Variants in NDUFS4 observed in about 807,000 individuals in gnomAD.
The protein encoded by NDUFS4 is NADH dehydrogenase [ubiquinone] iron-sulfur protein 4, mitochondrial.
In NDUFS4, 28 loss-of-function variants were observed where a neutral mutation model predicts 24.3. The ratio of observed to expected loss-of-function variants is 1.15; its 90% CI spans 0.85 to 1.58. The LOEUF (loss-of-function observed/expected upper bound fraction) is 1.58. NDUFS4 is among the 40% of genes most tolerant of loss of function. The pLI is 0.00. For synonymous variants in NDUFS4, 93 were observed against 69.7 expected, an observed-to-expected ratio of 1.34 and a Z score of -1.67; for missense variants, 223 against 207.9, an observed-to-expected ratio of 1.07 and a Z score of -0.45.
chr5:53,667,289 A>G (rs939156535), intron 4 of NDUFS4, among the ~76,000 whole-genome samples: 2 of 152,066 alleles, frequency 1.3e-5, no homozygotes, highest in Non-Finnish European at 2.9e-5. Context: ...AACATGGAGA[A>G]CCCTCGTCTC....
intron 4 of NDUFS4, 49 bp downstream of exon 4, chr5:53,658,673 T>A (rs779743673): frequency 3.3e-6 from 5 of 1,501,616 alleles, no homozygotes; most frequent in South Asian, 2.3e-5. Flanking sequence ...TTTTATGTTC[T>A]TAACCTTAAT....
chr5:53,632,132 G>T lies in NDUFS4; in HGVS notation c.178-14101G>T, dbSNP rs554605974. 6.4e-4 allele frequency among the ~76,000 whole-genome samples: 98 copies of T among 152,208 alleles called. 1 individual carries two copies. Among genetic ancestry groups the T allele is most frequent in the Non-Finnish European group, 1.3e-3 (87 of 68,036 alleles). On this transcript the variant is annotated intron_variant, in intron 2 of 4. Transcript: ENST00000296684. ...TTCTGCATCAGTCTTGCTGGGAGCT[G>T]CAGACCAGAGCAGTTCCTATTTGGC...
intron 1 of NDUFS4, among the ~76,000 whole-genome samples, chr5:53,601,204 C>T (rs989064347): frequency 1.3e-5 from 2 of 152,004 alleles, no homozygotes; most frequent in Admixed American, 6.5e-5. Context: ...GGGGTTTCAC[C>T]GTGTTAGCCA....
intron 4 of NDUFS4, among the ~76,000 whole-genome samples, chr5:53,675,742 A>G (rs530972375): frequency 1.3e-5 from 2 of 152,346 alleles, no homozygotes; most frequent in East Asian, 3.9e-4. Context: ...AATAGAGAAT[A>G]GACCTCTATA....
intron 1 of NDUFS4, among the ~76,000 whole-genome samples, chr5:53,583,268 A>G (rs1749633303): frequency 6.6e-6 from 1 of 152,230 alleles, no homozygotes; most frequent in African/African-American, 2.4e-5. Context: ...GATGACTTTT[A>G]TAGCTTTATG....
rs1456853281 is a variant in NDUFS4, at chr5:53,683,336, A to C, written c.*115A>C. ...TCCTAATAAATTGGACCTTTAAACT[A>C]CAGATACATTTTGTGGTGTCTATTT... On this transcript the variant is annotated 3_prime_UTR_variant, in exon 5 of 5. Transcript: ENST00000296684. The C allele has an allele frequency of 2.6e-6, 2 of 775,080 alleles. No homozygotes were observed. Among genetic ancestry groups the C allele is most frequent in the Non-Finnish European group, 4.5e-6 (2 of 446,402 alleles). 48.0% of individuals were successfully genotyped at this position (775,080 alleles called of 1,614,324 possible).
At chr5:53,644,477 C>T (rs928563141) in intron 2 of NDUFS4, among the ~76,000 whole-genome samples, 2 of 152,082 alleles carry the variant, frequency 1.3e-5, no homozygotes, top group East Asian at 1.9e-4. Flanking sequence ...GCAAGTATTA[C>T]AGTGAATTCA....
chr5:53,677,211 T>C (rs976334518), intron 4 of NDUFS4, among the ~76,000 whole-genome samples: 2 of 152,144 alleles, frequency 1.3e-5, no homozygotes, highest in Admixed American at 1.3e-4. Flanking sequence ...AATAGAAATA[T>C]TACATAGCAA....
intron 2 of NDUFS4, among the ~76,000 whole-genome samples, chr5:53,631,195 T>G (rs1250940847): frequency 1.3e-5 from 2 of 152,200 alleles, no homozygotes; most frequent in African/African-American, 4.8e-5. Flanking sequence ...CCTGTCTGCT[T>G]GGGTATCACC....
intron 2 of NDUFS4, among the ~76,000 whole-genome samples, chr5:53,628,037 T>C (rs892687291): frequency 6.6e-6 from 1 of 152,220 alleles, no homozygotes; most frequent in South Asian, 2.1e-4. Flanking sequence ...ATAGCTCTTA[T>C]TATTTTGAGA....
In NDUFS4 at chr5:53,560,642, C is replaced by T; in HGVS notation, c.-21C>T. On this transcript the variant is annotated 5_prime_UTR_variant, in exon 1 of 5. Coordinates refer to ENST00000296684, the MANE Select transcript of NDUFS4 (RefSeq NM_002495.4). ...CCTTGCGGTGATCCGTCCTTTCATC[C>T]TGGCGTTTGCCTGCAGCAAGATGGC... 6.2e-7 allele frequency: 1 copy of T among 1,614,258 alleles called. No homozygotes were observed. The highest frequency in any genetic ancestry group is 8.5e-7 in the Non-Finnish European group (1 of 1,180,052).
At chr5:53,635,614 G>C (rs555326256) in intron 2 of NDUFS4, among the ~76,000 whole-genome samples, 1 of 152,142 alleles carries the variant, frequency 6.6e-6, no homozygotes, top group South Asian at 2.1e-4. Flanking sequence ...ATTATTAAAT[G>C]TTATACTTTT....
At chr5:53,599,104 C>T (rs1286536647) in intron 1 of NDUFS4, among the ~76,000 whole-genome samples, 2 of 152,134 alleles carry the variant, frequency 1.3e-5, no homozygotes, top group African/African-American at 4.8e-5. Flanking sequence ...ACACATTAGT[C>T]ATTGTTTCTA....
chr5:53,617,394 G>A (rs1750874038), intron 2 of NDUFS4, among the ~76,000 whole-genome samples: 1 of 151,708 alleles, frequency 6.6e-6, no homozygotes, highest in South Asian at 2.1e-4. Context: ...CTCCCTTTCT[G>A]GCTACATGTG....
chr5:53,571,342 G>A (rs1308824663), intron 1 of NDUFS4, among the ~76,000 whole-genome samples: 1 of 152,116 alleles, frequency 6.6e-6, no homozygotes, highest in Admixed American at 6.5e-5. Context: ...ATGTTTTCAA[G>A]GTTTATCCAA....
At position 53,579,763 on chromosome 5, in the gene NDUFS4, G is replaced by C. The variant is rs562917351; in HGVS notation, c.98+19003G>C. On this transcript the variant is annotated intron_variant, in intron 1 of 4. Transcript: ENST00000296684. Reference sequence around the variant, plus strand: ...GCTTTGCAGATGTGATAAAGTTGAGGATCTTGAGATGGGAAGATTACCCTG... The same window carrying C: ...GCTTTGCAGATGTGATAAAGTTGAGCATCTTGAGATGGGAAGATTACCCTG... Among the ~76,000 whole-genome samples, 12 of 152,274 alleles carry C rather than the reference G, an allele frequency of 7.9e-5. No individual in the cohort carries two copies. The South Asian group carries it at 2.5e-3, about 32-fold the overall frequency.
chr5:53,592,373 C>T (rs1169527267), intron 1 of NDUFS4, among the ~76,000 whole-genome samples: 4 of 152,110 alleles, frequency 2.6e-5, no homozygotes, highest in Non-Finnish European at 4.4e-5. Flanking sequence ...TTAATAGTAT[C>T]TTTCACAGAG....
chr5:53,631,015 G>GT (rs1173558716), intron 2 of NDUFS4, among the ~76,000 whole-genome samples: 22 of 152,164 alleles, frequency 1.4e-4, no homozygotes, highest in South Asian at 2.1e-4. Flanking sequence ...CACCTTTGTG[G>GT]TTTTTTCTAC....
In NDUFS4 at chr5:53,661,129, T is replaced by G. The variant is rs1399396490; in HGVS notation, c.424+2505T>G. On this transcript the variant is annotated intron_variant, in intron 4 of 4. Coordinates refer to ENST00000296684, the MANE Select transcript of NDUFS4 (RefSeq NM_002495.4). ...GGTTTTCTTCTAGGGTTTTTATGGT[T>G]TTAGGTCTAACATTTAAGTCTTTAA... 4.6e-5 allele frequency among the ~76,000 whole-genome samples: 7 copies of G among 152,352 alleles called. No individual in the cohort carries two copies. The South Asian group carries it at 8.3e-4, about 18-fold the overall frequency.
Sources: allele counts gnomAD v4.1 joint callset (sites outside exome capture counted in the v4.1 genomes callset), GRCh38; gene constraint gnomAD v4.1.1; transcripts MANE v1.5; gene names NCBI Gene and HGNC (gene_info 2026-07-23, HGNC 2026-07-21).